DEFB112: variants seen among roughly 807,000 people sequenced by gnomAD.
DEFB112 encodes the protein beta-defensin 112.
Under a neutral mutation model 1.1 loss-of-function variants are expected in DEFB112, and 2 were observed. The ratio of observed to expected loss-of-function variants is 1.85; its 90% confidence interval spans 0.76 to 5.83. The LOEUF (loss-of-function observed/expected upper bound fraction) is 5.83. Ranked by LOEUF, DEFB112 falls within the 30% of genes most tolerant of loss-of-function variation. The pLI is 0.05. For missense variants in DEFB112, 120 were observed against 94.4 expected, an observed-to-expected ratio of 1.27 and a Z score of -1.12; for synonymous variants, 40 against 31.2, an observed-to-expected ratio of 1.28 and a Z score of -0.93.
At chr6:50,048,040 C>T (rs1384064383) in intron 1 of DEFB112, among the ~76,000 whole-genome samples, 5 of 151,230 alleles carry the variant, frequency 3.3e-5, no homozygotes, top group South Asian at 2.1e-4. Flanking sequence ...CCAGCTACTC[C>T]GGAGGCTGAA....
chr6:50,043,511 A>C lies in DEFB112; in HGVS notation c.*64T>G, dbSNP rs1442666747. 8.0e-7 allele frequency: 1 copy of C among 1,244,544 alleles called. No homozygotes were observed. Among genetic ancestry groups the C allele is most frequent in the East Asian group, 2.4e-5 (1 of 41,686 alleles). The allele number at this position is 1,244,544 out of a possible 1,614,324, so 77.1% of individuals were successfully genotyped here. ...CATGCATGGAAATTATAGGTCATTA[A>C]TGAAGTGATGAAATAATGAGAGGAC... On this transcript the variant is annotated 3_prime_UTR_variant, in exon 2 of 2. Coordinates refer to ENST00000651554, the MANE Select transcript of DEFB112 (RefSeq NM_001369057.2).
Position 50,042,264 on chromosome 6 carries a change from T to C in DEFB112, c.*1311A>G, listed in dbSNP as rs993693058. On this transcript the variant is annotated 3_prime_UTR_variant, in exon 2 of 2. Coordinates refer to ENST00000651554, the MANE Select transcript of DEFB112 (RefSeq NM_001369057.2). ...TTATTTAGCTCCAAATTGACACTGG[T>C]CAGAGAGCATAGTATTATACATATC... is the stretch of plus-strand genomic sequence containing the variant. 5.9e-5 allele frequency among the ~76,000 whole-genome samples: 9 copies of C among 151,972 alleles called. No homozygotes were observed. Among genetic ancestry groups the C allele is most frequent in the African/African-American group, 1.7e-4 (7 of 41,400 alleles).
At chr6:50,046,313 T>C (rs1167897468) in intron 1 of DEFB112, among the ~76,000 whole-genome samples, 2 of 151,092 alleles carry the variant, frequency 1.3e-5, no homozygotes, top group African/African-American at 4.9e-5. Flanking sequence ...AAATTTATAT[T>C]CATAAAATTG....
intron 1 of DEFB112, among the ~76,000 whole-genome samples, chr6:50,047,154 T>G (rs1774848700): frequency 2.0e-5 from 3 of 152,172 alleles, no homozygotes; most frequent in African/African-American, 7.2e-5. Flanking sequence ...GGGCTTGAAC[T>G]AGCACTAGGG....
At chr6:50,048,507 C>A in intron 1 of DEFB112, 3 of 1,555,698 alleles carry the variant, frequency 1.9e-6, no homozygotes, top group Non-Finnish European at 1.8e-6. Flanking sequence ...TTAAAATGTG[C>A]AAGACACAAT....
chr6:50,048,440 G>C, intron 1 of DEFB112: 3 of 968,078 alleles, frequency 3.1e-6, no homozygotes, highest in South Asian at 2.7e-5. Context: ...AGTAAACAGG[G>C]ACTGAGGTAG....
chr6:50,046,659 GC>G (rs56022267), intron 1 of DEFB112, among the ~76,000 whole-genome samples: 4,671 of 151,992 alleles, frequency 0.031, 91 homozygotes, highest in Non-Finnish European at 0.045. Context: ...GAATTACCTA[GC>G]ATTTTCTTAT....
chr6:50,043,886 C>T (rs1774789944), intron 1 of DEFB112, 85 bp from the exon 2 acceptor site: 9 of 1,155,074 alleles, frequency 7.8e-6, no homozygotes, highest in South Asian at 6.5e-5. Flanking sequence ...TAATCACAGA[C>T]AACAGAGGAG....
At chr6:50,046,956 G>A (rs370840615) in intron 1 of DEFB112, among the ~76,000 whole-genome samples, 5 of 152,152 alleles carry the variant, frequency 3.3e-5, no homozygotes, top group South Asian at 4.1e-4. Flanking sequence ...GGCTGGCCTC[G>A]GGGCTGAGTC....
chr6:50,048,399 A>G, intron 1 of DEFB112: 1 of 764,056 alleles, frequency 1.3e-6, no homozygotes, highest in South Asian at 1.7e-5. Context: ...CAGTCTTCAT[A>G]AAGCTATGAG....
intron 1 of DEFB112, among the ~76,000 whole-genome samples, chr6:50,046,629 C>CT (rs910089191): frequency 2.0e-5 from 3 of 151,610 alleles, no homozygotes; most frequent in Non-Finnish European, 1.5e-5. Context: ...TGGCTTAGGT[C>CT]TTTTTTTCAT....
intron 1 of DEFB112, among the ~76,000 whole-genome samples, chr6:50,046,492 G>C (rs1774836684): frequency 6.6e-6 from 1 of 151,982 alleles, no homozygotes; most frequent in East Asian, 1.9e-4. Flanking sequence ...TCTTCTGTTG[G>C]ATAGATTTCA....
chr6:50,044,956 C>T lies in DEFB112; in HGVS notation c.59-1155G>A, dbSNP rs374609155. On this transcript the variant is annotated intron_variant, in intron 1 of 1. Coordinates refer to ENST00000651554, the MANE Select transcript of DEFB112 (RefSeq NM_001369057.2). The stretch of plus-strand genomic sequence containing the variant: ...GTAGTAATATTACCCACAAATTTTG[C>T]AGCAAGAATTTAAAATAACTGAGGA... Among the ~76,000 whole-genome samples, 87 of 152,020 alleles carry T rather than the reference C, an allele frequency of 5.7e-4. 2 individuals carry two copies. The South Asian group carries it at 0.018, about 32-fold the overall frequency.
Position 50,043,018 on chromosome 6 carries a change from C to T in DEFB112, c.*557G>A, listed in dbSNP as rs907142206. ...ACCATTCTTCTTTTCCTTCCTCAAC[C>T]TAGTCTCCCTCTATTCTACCTTTTG... On this transcript the variant is annotated 3_prime_UTR_variant, in exon 2 of 2. Coordinates refer to ENST00000651554, the MANE Select transcript of DEFB112 (RefSeq NM_001369057.2). Among the ~76,000 whole-genome samples, 8 of 151,896 alleles carry T rather than the reference C, an allele frequency of 5.3e-5. No individual in the cohort carries two copies. Among genetic ancestry groups the T allele is most frequent in the African/African-American group, 1.9e-4 (8 of 41,376 alleles).
intron 1 of DEFB112, among the ~76,000 whole-genome samples, chr6:50,045,273 T>TA (rs1774812847): frequency 6.6e-6 from 1 of 151,916 alleles, no homozygotes; most frequent in African/African-American, 2.4e-5. Context: ...ACACAAAATA[T>TA]AAATGCAGAG....
In DEFB112 at chr6:50,043,606, T is replaced by C; in HGVS notation, c.254A>G (p.Gln85Arg). ...ACGTGAGTCTTTAGGGTACCATTCT[T>C]GAGTCCCTACTGAGTCCTTTGGGAT... ...NWIPKDSVGT[Q>R]EWYPKDSRH Residue 85 changes from glutamine to arginine, a missense_variant, in exon 2 of 2, where the codon CAA becomes CGA. Physicochemically the swap from Gln to Arg is conservative, Grantham distance 43. Coordinates refer to ENST00000651554, the MANE Select transcript of DEFB112 (RefSeq NM_001369057.2). The C allele has an allele frequency of 6.2e-7, 1 of 1,613,432 alleles. No individual in the cohort carries two copies. The highest frequency in any genetic ancestry group is 8.5e-7 in the Non-Finnish European group (1 of 1,179,560).
rs1429482030 is a variant in DEFB112 at position 50,042,820 on chromosome 6, TTC to T, written c.*753_*754del. On this transcript the variant is annotated 3_prime_UTR_variant, in exon 2 of 2. Transcript: ENST00000651554. ...TGAGCATGCATACACACATATATAA[TTC>T]TGTTACATTATTTTTTAAAAACTTA... is the stretch of plus-strand genomic sequence containing the variant. 6.6e-6 allele frequency among the ~76,000 whole-genome samples: 1 copy of T among 152,004 alleles called. No homozygotes were observed. The highest frequency in any genetic ancestry group is 1.5e-5 in the Non-Finnish European group (1 of 67,950).
chr6:50,048,753 C>T (rs1774880650), intron 1 of DEFB112: 1 of 764,530 alleles, frequency 1.3e-6, no homozygotes, highest in South Asian at 1.7e-5. Context: ...AATGTAGTTG[C>T]CTCTATTTAA....
intron 1 of DEFB112, among the ~76,000 whole-genome samples, chr6:50,047,654 A>G (rs1338715463): frequency 6.6e-6 from 1 of 152,140 alleles, no homozygotes; most frequent in Non-Finnish European, 1.5e-5. Context: ...ATCCAGTGAA[A>G]CTTAGTCAAA....
Sources: allele counts gnomAD v4.1 joint callset (sites outside exome capture counted in the v4.1 genomes callset), GRCh38; gene constraint gnomAD v4.1.1; transcripts MANE v1.5; gene names NCBI Gene and HGNC (gene_info 2026-07-23, HGNC 2026-07-21).